The following TMT1B variants were observed in gnomAD, a reference collection of about 807,000 sequenced individuals.
TMT1B encodes thiol methyltransferase 1B, also known as thiol S-methyltransferase TMT1B.
At chr12:55,683,071 G>A in the TMT1B span, among the ~76,000 whole-genome samples, 1 of 152,154 alleles carries the variant, frequency 6.6e-6, no homozygotes, top group South Asian at 2.1e-4. Flanking sequence ...GTGAGGCGAG[G>A]AGCTTGAGGA....
At chr12:55,684,472 C>T in the TMT1B span, 1 of 179,680 alleles carries the variant, frequency 5.6e-6, no homozygotes, top group South Asian at 1.3e-4. Context: ...GCCCCCCTGA[C>T]CCTCTCTCCC....
the TMT1B span, among the ~76,000 whole-genome samples, chr12:55,683,618 G>C: frequency 6.6e-6 from 1 of 152,104 alleles, no homozygotes; most frequent in South Asian, 2.1e-4. Context: ...ACTCCTTTCA[G>C]TTATGAGGTT....
chr12:55,682,222 C>T, the TMT1B span: 2 of 1,613,746 alleles, frequency 1.2e-6, no homozygotes, highest in Non-Finnish European at 1.7e-6. Context: ...CAAGGAAGGT[C>T]CTGCAGGAGG....
chr12:55,683,719 C>T, the TMT1B span: 10 of 1,243,204 alleles, frequency 8.0e-6, no homozygotes, highest in African/African-American at 1.5e-5. Flanking sequence ...CCAGCAGCTC[C>T]CATTTCACCA....
the TMT1B span, chr12:55,682,187 C>G: frequency 2.2e-5 from 35 of 1,613,798 alleles, no homozygotes; most frequent in Non-Finnish European, 2.8e-5. Flanking sequence ...GGTCTGCACT[C>G]TGGTGCTGTG....
At chr12:55,682,135 A>T in the TMT1B span, 31 of 1,613,924 alleles carry the variant, frequency 1.9e-5, no homozygotes, top group Non-Finnish European at 2.5e-5. Flanking sequence ...TGGCTCCTGG[A>T]GAGGACATGA....
chr12:55,681,770 C>T, the TMT1B span: 2 of 1,550,794 alleles, frequency 1.3e-6, no homozygotes, highest in South Asian at 1.2e-5. Context: ...CATCCTGGTC[C>T]CACTCCTGCA....
chr12:55,683,750 C>A, the TMT1B span: 2 of 1,502,396 alleles, frequency 1.3e-6, no homozygotes, highest in Non-Finnish European at 1.8e-6. Flanking sequence ...CTGTCTTGAT[C>A]AGCGCGATAG....
chr12:55,683,801 C>T, the TMT1B span: 44 of 1,612,956 alleles, frequency 2.7e-5, no homozygotes, highest in African/African-American at 4.1e-4. Flanking sequence ...CTAACTCTCT[C>T]ATCCCTCCCA....
chr12:55,683,962 G>T, the TMT1B span: 2 of 1,614,104 alleles, frequency 1.2e-6, no homozygotes, highest in South Asian at 2.2e-5. Flanking sequence ...AGAACGCCCA[G>T]TTCTCCGAAA....
At chr12:55,684,229 C>A in the TMT1B span, 1 of 608,480 alleles carries the variant, frequency 1.6e-6, no homozygotes, top group South Asian at 1.9e-5. Context: ...TAACTTCAAT[C>A]CCGCCTTCGA....
At chr12:55,683,295 A>G in the TMT1B span, among the ~76,000 whole-genome samples, 1 of 152,146 alleles carries the variant, frequency 6.6e-6, no homozygotes, top group Non-Finnish European at 1.5e-5. Context: ...GGAGTTTGAA[A>G]CCAGACTGGC....
the TMT1B span, chr12:55,684,183 A>G: frequency 1.3e-6 from 1 of 774,764 alleles, no homozygotes; most frequent in Non-Finnish European, 2.1e-6. Flanking sequence ...ACCACCTACT[A>G]GTCCCTCTCT....
the TMT1B span, chr12:55,684,015 T>C: frequency 6.2e-7 from 1 of 1,613,738 alleles, no homozygotes; most frequent in Non-Finnish European, 8.5e-7. Context: ...TGGCTACCTG[T>C]TGGGCCCCAC....
At chr12:55,681,765 T>C in the TMT1B span, 25 of 1,550,194 alleles carry the variant, frequency 1.6e-5, no homozygotes, top group Non-Finnish European at 1.9e-5. Context: ...ATGGACATCC[T>C]GGTCCCACTC....
chr12:55,684,196 C>A, the TMT1B span: 1 of 713,234 alleles, frequency 1.4e-6, no homozygotes, highest in East Asian at 2.6e-5. Context: ...CCCTCTCTCC[C>A]CAACCTCTGC....
the TMT1B span, among the ~76,000 whole-genome samples, chr12:55,682,797 A>C: frequency 1.4e-5 from 1 of 69,826 alleles, no homozygotes; most frequent in Non-Finnish European, 2.6e-5. Flanking sequence ...AAAAATAAAT[A>C]AATAAATAAA....
At chr12:55,682,871 A>G in the TMT1B span, among the ~76,000 whole-genome samples, 1 of 152,150 alleles carries the variant, frequency 6.6e-6, no homozygotes, top group Non-Finnish European at 1.5e-5. Context: ...GGAAAATAAA[A>G]GAGTGTTCTA....
the TMT1B span, chr12:55,682,251 C>T: frequency 1.4e-4 from 231 of 1,605,498 alleles, no homozygotes; most frequent in East Asian, 3.6e-4. Flanking sequence ...GTACTGAGAC[C>T]GGTAAGCAGG....
Sources: allele counts gnomAD v4.1 joint callset (sites outside exome capture counted in the v4.1 genomes callset), GRCh38; gene constraint gnomAD v4.1.1; transcripts MANE v1.5; gene names NCBI Gene and HGNC (gene_info 2026-07-23, HGNC 2026-07-21).